BCAM: variants seen among roughly 807,000 people sequenced by gnomAD.
BCAM encodes basal cell adhesion molecule.
Under a neutral mutation model 72.4 loss-of-function variants are expected in BCAM, and 61 were observed. That is an observed-to-expected ratio of 0.84 (90% CI 0.69 to 1.04). The LOEUF (loss-of-function observed/expected upper bound fraction) is 1.04, where lower values mean the gene tolerates loss of function less well. Ranked by LOEUF, BCAM falls within the 50% of genes least tolerant of loss-of-function variation. BCAM has a pLI of 0.00. For synonymous variants in BCAM, 408 were observed against 384.2 expected (o/e 1.06, Z -0.73); for missense variants, 909 against 895.0 (o/e 1.02, Z -0.20).
Position 44,812,383 on chromosome 19 carries a change from A to G in BCAM, c.425A>G (p.Asn142Ser), listed in dbSNP as rs201081825. 52 of 1,614,048 alleles carry G rather than the reference A, an allele frequency of 3.2e-5. No individual in the cohort carries two copies. The East Asian group carries it at 5.3e-4, about 17-fold the overall frequency. Residue 142 changes from asparagine (N) to serine (S), a missense_variant, in exon 3 of 15, where the codon AAC becomes AGC. Coordinates refer to ENST00000270233, the MANE Select transcript of BCAM (RefSeq NM_005581.5). The surrounding 1 kb of genome is among the most constrained non-coding windows in gnomAD (Gnocchi z 5.3). ...ACTGCTGAGGCCACTGCGCGGCTCA[A>G]CGTGTTTGGTAAGTGTCCTCGGGCA... The part of the protein sequence containing the change: ...AGTAEATARL[N>S]VFAKPEATEV...
rs945273780 is a variant in BCAM, at chr19:44,818,308, G to A, written c.1079-214G>A. Among the ~76,000 whole-genome samples, 4 of 152,174 alleles carry A rather than the reference G, an allele frequency of 2.6e-5. No homozygotes were observed. Among genetic ancestry groups the A allele is most frequent in the South Asian group, 2.1e-4 (1 of 4,828 alleles). On this transcript the variant is annotated intron_variant, in intron 8 of 14. Transcript: ENST00000270233. The surrounding 1 kb of genome is among the most constrained non-coding windows in gnomAD (Gnocchi z 4.6). ...CTCTGAAGAAAAGTAATTGACTTGG[G>A]CATGTCAATGTTGGGGTTAGACTGC...
intron 13 of BCAM, chr19:44,820,047 C>T: frequency 1.6e-6 from 2 of 1,235,732 alleles, no homozygotes; most frequent in Non-Finnish European, 2.0e-6. Flanking sequence ...CAGCCTCATC[C>T]CCAACTCCAT....
At chr19:44,820,138 C>T (rs1242152251) in intron 13 of BCAM, 1 of 1,036,916 alleles carries the variant, frequency 9.6e-7, no homozygotes, top group Non-Finnish European at 1.2e-6. Flanking sequence ...CTCAACTAAG[C>T]TCCTCTCCAG....
At chr19:44,810,744 C>G (rs1045860817) in intron 1 of BCAM, among the ~76,000 whole-genome samples, 1 of 152,178 alleles carries the variant, frequency 6.6e-6, no homozygotes, top group African/African-American at 2.4e-5. Flanking sequence ...TTGGGATAAG[C>G]AAAGGCTGGT....
rs530586633 is a variant in BCAM at position 44,817,835 on chromosome 19, T to A, written c.1079-687T>A. On this transcript the variant is annotated intron_variant, in intron 8 of 14. Coordinates refer to ENST00000270233, the MANE Select transcript of BCAM (RefSeq NM_005581.5). ...CTGGGGTTATAGGCATGAGCCACCG[T>A]GCCCGGCCTGACCAGTGGATGTTTT... 3.9e-5 allele frequency among the ~76,000 whole-genome samples: 6 copies of A among 152,248 alleles called. No individual in the cohort carries two copies. In the East Asian group the frequency reaches 9.7e-4, roughly 25 times the overall value.
At position 44,818,916 on chromosome 19, in the gene BCAM, G is replaced by A; in HGVS notation, c.1336+34G>A. ...GGCAGGGAGGGGGTGGGCTTGGATG[G>A]GGACAGTGTGGGGTGTGGGACCTGG... On this transcript the variant is annotated intron_variant, in intron 10 of 14. Transcript: ENST00000270233. This position sits in a 1 kb window ranked among gnomAD's most constrained non-coding sequence, Gnocchi z 4.6. 1 of 1,607,812 alleles carries A rather than the reference G, an allele frequency of 6.2e-7. No individual in the cohort carries two copies.
chr19:44,819,913 CCA>C, intron 13 of BCAM, 187 bp downstream of exon 13: 5 of 1,365,630 alleles, frequency 3.7e-6, no homozygotes, highest in Non-Finnish European at 4.7e-6. Flanking sequence ...TAATCCACAG[CCA>C]TCCCCAACTC....
chr19:44,818,528 A>AC lies in BCAM; in HGVS notation c.1090dup (p.Leu364ProfsTer62). Reference sequence around the variant, plus strand: ...AGACTGTCCCCCACTGCAGATCTGGACCCCCTGGAGCTCAGCGAGGGGAAG... The same window carrying AC: ...AGACTGTCCCCCACTGCAGATCTGGACCCCCCTGGAGCTCAGCGAGGGGAAG... On this transcript the variant is annotated frameshift_variant, in exon 9 of 15. Transcript: ENST00000270233. LOFTEE classifies it high-confidence loss of function. This position sits in a 1 kb window ranked among gnomAD's most constrained non-coding sequence, Gnocchi z 4.6. 1.2e-6 allele frequency: 2 copies of AC among 1,613,314 alleles called. No individual in the cohort carries two copies. The highest frequency in any genetic ancestry group is 1.7e-6 in the Non-Finnish European group (2 of 1,179,632).
At position 44,814,593 on chromosome 19, in the gene BCAM, C is replaced by T. The variant is rs1348356498; in HGVS notation, c.922-11C>T. ...GCTTCTGAGCCTGGTTCCTCGTCCC[C>T]CGTCTCCCAGGATGAGCAGGAGGAA... On this transcript the variant is annotated splice_polypyrimidine_tract_variant and intron_variant, in intron 7 of 14. Transcript: ENST00000270233. The surrounding 1 kb of genome is among the most constrained non-coding windows in gnomAD (Gnocchi z 4.6). The T allele has an allele frequency of 6.2e-7, 1 of 1,610,044 alleles. No individual in the cohort carries two copies. The highest frequency in any genetic ancestry group is 1.7e-5 in the Admixed American group (1 of 59,704).
rs748680179 is a variant in BCAM at position 44,820,722 on chromosome 19, G to A, written c.1781G>A (p.Gly594Glu). Reference protein sequence around the residue: ...EKGAPPPGEPGLSHSGSEQPE... With the variant: ...EKGAPPPGEPELSHSGSEQPE... ...CCCCCCAGGCCGCCAGGGGAGCCAGGGCTGAGCCACTCGGGGTCGGAGCAA... is the reference window on the plus strand; with the variant it reads ...CCCCCCAGGCCGCCAGGGGAGCCAGAGCTGAGCCACTCGGGGTCGGAGCAA... The change falls in exon 14 of 15, where the codon GGG becomes GAG. Residue 594 changes from glycine to glutamate, a missense_variant. Gly to Glu is a moderately conservative substitution (Grantham distance 98). Transcript: ENST00000270233. 381 of 1,441,748 alleles carry A rather than the reference G, an allele frequency of 2.6e-4. No individual in the cohort carries two copies. Among genetic ancestry groups the A allele is most frequent in the Admixed American group, 4.7e-4 (18 of 37,904 alleles). 89.3% of individuals were successfully genotyped at this position (1,441,748 alleles called of 1,614,324 possible).
Position 44,820,748 on chromosome 19 carries a change from C to G in BCAM, c.1807C>G (p.Pro603Ala). 1 of 1,484,316 alleles carries G rather than the reference C, an allele frequency of 6.7e-7. No homozygotes were observed. Among genetic ancestry groups the G allele is most frequent in the Non-Finnish European group, 9.0e-7 (1 of 1,112,038 alleles). The allele number at this position is 1,484,316 out of a possible 1,614,324, so 91.9% of individuals were successfully genotyped here. The change falls in exon 14 of 15, where the codon CCA (proline) becomes GCA (alanine). Residue 603 changes from proline (P) to alanine (A), a missense_variant. Pro to Ala is a conservative substitution (Grantham distance 27). Coordinates refer to ENST00000270233, the MANE Select transcript of BCAM (RefSeq NM_005581.5). ...GCTGAGCCACTCGGGGTCGGAGCAACCAGAGCAGACCGGCCTTCTCATGGG... is the reference window on the plus strand; with the variant it reads ...GCTGAGCCACTCGGGGTCGGAGCAAGCAGAGCAGACCGGCCTTCTCATGGG... Reference protein sequence around the residue: ...PGLSHSGSEQPEQTGLLMGGA... With the variant: ...PGLSHSGSEQAEQTGLLMGGA...
In BCAM at chr19:44,812,557, C is replaced by T. The variant is rs531119268; in HGVS notation, c.504+9C>T. The T allele has an allele frequency of 2.0e-5, 33 of 1,613,948 alleles. No homozygotes were observed. In the African/African-American group the frequency reaches 2.8e-4, roughly 14 times the overall value. On this transcript the variant is annotated intron_variant, in intron 4 of 14. Coordinates refer to ENST00000270233, the MANE Select transcript of BCAM (RefSeq NM_005581.5). This position sits in a 1 kb window ranked among gnomAD's most constrained non-coding sequence, Gnocchi z 5.3. The stretch of plus-strand genomic sequence containing the variant: ...AGGACTCTGCCCAGGAGGTACCTCT[C>T]GGGTGGACCTTGGCCCCAGGGTCCT...
Position 44,814,889 on chromosome 19 carries a change from C to G in BCAM, c.1078+129C>G. ...TGCCTTCAACCCTTTCTCTGCATTT[C>G]TTGGGGGTTTTTTTGGTTGTTTTTT... On this transcript the variant is annotated intron_variant, in intron 8 of 14. Transcript: ENST00000270233. The surrounding 1 kb of genome is among the most constrained non-coding windows in gnomAD (Gnocchi z 4.6). 3 of 831,520 alleles carry G rather than the reference C, an allele frequency of 3.6e-6. No individual in the cohort carries two copies. Among genetic ancestry groups the G allele is most frequent in the Non-Finnish European group, 4.9e-6 (3 of 609,990 alleles). 51.5% of individuals were successfully genotyped at this position (831,520 alleles called of 1,614,324 possible).
Position 44,814,180 on chromosome 19 carries a change from G to T in BCAM, c.813G>T (p.Val271=). Residue 271 remains valine (V), a synonymous_variant, in exon 7 of 15, where the codon GTG becomes GTT. Transcript: ENST00000270233. This position sits in a 1 kb window ranked among gnomAD's most constrained non-coding sequence, Gnocchi z 4.6. The part of the protein sequence containing the change: ...HYPTEHVQFW[V]GSPSTPAGWV... ...CCACGGAGCACGTGCAGTTCTGGGTGGGCAGCCCGTCCACCCCAGCAGGCT... is the reference window on the plus strand; with the variant it reads ...CCACGGAGCACGTGCAGTTCTGGGTTGGCAGCCCGTCCACCCCAGCAGGCT... 6.3e-7 allele frequency: 1 copy of T among 1,583,412 alleles called. No homozygotes were observed.
chr19:44,818,855 A>G lies in BCAM; in HGVS notation c.1309A>G (p.Thr437Ala). Reference protein sequence around the residue: ...SLPTVPVLSRTQNFTLLVQGS... With the variant: ...SLPTVPVLSRAQNFTLLVQGS... ...GCCCACAGTCCCGGTCCTCAGCCGC[A>G]CCCAGAACTTCACGCTGCTGGTCCA... The change falls in exon 10 of 15, where the codon ACC (threonine) becomes GCC (alanine). Residue 437 changes from threonine (T) to alanine (A), a missense_variant. Transcript: ENST00000270233. This position sits in a 1 kb window ranked among gnomAD's most constrained non-coding sequence, Gnocchi z 4.6. 1 of 1,613,928 alleles carries G rather than the reference A, an allele frequency of 6.2e-7. No homozygotes were observed. Among genetic ancestry groups the G allele is most frequent in the Non-Finnish European group, 8.5e-7 (1 of 1,179,962 alleles).
rs758400698 is a variant in BCAM at position 44,813,456 on chromosome 19, G to A, written c.620G>A (p.Arg207His). 21 of 1,610,908 alleles carry A rather than the reference G, an allele frequency of 1.3e-5. 1 individual carries two copies. Among genetic ancestry groups the A allele is most frequent in the South Asian group, 4.4e-5 (4 of 91,018 alleles). ...EMNPEGYMTS[R>H]TVREASGLLS... The stretch of plus-strand genomic sequence containing the variant: ...CTCCCAGAGGGCTACATGACCAGCC[G>A]CACGGTCCGGGAGGCCTCGGGCCTG... Residue 207 changes from arginine (R) to histidine (H), a missense_variant, in exon 6 of 15, where the codon CGC (arginine) becomes CAC (histidine). Physicochemically the swap from Arg to His is conservative, Grantham distance 29. Transcript: ENST00000270233. This position sits in a 1 kb window ranked among gnomAD's most constrained non-coding sequence, Gnocchi z 4.2.
Position 44,813,156 on chromosome 19 carries a change from G to C in BCAM, c.505-94G>C. The C allele has an allele frequency of 7.1e-7, 1 of 1,398,966 alleles. No homozygotes were observed. The highest frequency in any genetic ancestry group is 1.4e-5 in the African/African-American group (1 of 69,856). The allele number at this position is 1,398,966 out of a possible 1,614,324, so 86.7% of individuals were successfully genotyped here. ...GGGAGAGTCGGGAGTTAGGAGCCCG[G>C]CTCATGAGTCTGAGTGGGGAGAACT... On this transcript the variant is annotated intron_variant, in intron 4 of 14. Coordinates refer to ENST00000270233, the MANE Select transcript of BCAM (RefSeq NM_005581.5). This position sits in a 1 kb window ranked among gnomAD's most constrained non-coding sequence, Gnocchi z 4.2.
Position 44,813,040 on chromosome 19 carries a change from G to C in BCAM, c.505-210G>C. The C allele has an allele frequency of 1.7e-6, 1 of 585,504 alleles. No individual in the cohort carries two copies. Among genetic ancestry groups the C allele is most frequent in the Non-Finnish European group, 3.0e-6 (1 of 333,904 alleles). The allele number at this position is 585,504 out of a possible 1,614,324, so 36.3% of individuals were successfully genotyped here. On this transcript the variant is annotated intron_variant, in intron 4 of 14. Transcript: ENST00000270233. The surrounding 1 kb of genome is among the most constrained non-coding windows in gnomAD (Gnocchi z 4.2). ...TGTCCTAGGAAGGAGAGAGCTGGGG[G>C]ACCCAGAATCCTTGGTCCCTGGAGG...
At chr19:44,815,632 C>G (rs1161566091) in intron 8 of BCAM, among the ~76,000 whole-genome samples, 1 of 152,082 alleles carries the variant, frequency 6.6e-6, no homozygotes, top group African/African-American at 2.4e-5. Context: ...ATGGGAAGTA[C>G]CCTGGGTTCC....
Sources: allele counts gnomAD v4.1 joint callset (sites outside exome capture counted in the v4.1 genomes callset), GRCh38; gene constraint gnomAD v4.1.1; non-coding constraint Gnocchi (gnomAD v3.1); transcripts MANE v1.5; gene names NCBI Gene and HGNC (gene_info 2026-07-23, HGNC 2026-07-21).